Variants in SYNE2 observed in about 807,000 individuals in gnomAD.
SYNE2 encodes the protein nesprin-2.
Under a neutral mutation model 856.3 loss-of-function variants are expected in SYNE2, and 431 were observed. That is an observed-to-expected ratio of 0.50 (90% CI 0.47 to 0.55). The LOEUF is 0.55. Among genes scored for constraint, SYNE2 ranks in the 20% least tolerant of loss-of-function variants. The pLI is 0.00. For missense variants in SYNE2, 8,129 were observed against 8,023.2 expected (o/e 1.01, Z -0.50); for synonymous variants, 2,923 against 2,872.3 (o/e 1.02, Z -0.56).
chr14:64,090,394 A>G (rs1468472417), intron 59 of SYNE2, among the ~76,000 whole-genome samples: 2 of 152,182 alleles, frequency 1.3e-5, no homozygotes, highest in East Asian at 1.9e-4. Context: ...CCAGATTTCT[A>G]TGGATCAGAT....
At chr14:63,915,468 A>G in intron 2 of SYNE2, among the ~76,000 whole-genome samples, 1 of 152,230 alleles carries the variant, frequency 6.6e-6, no homozygotes, top group Non-Finnish European at 1.5e-5. Flanking sequence ...ACATAGGCCA[A>G]TGCTCTAGAA....
intron 1 of SYNE2, among the ~76,000 whole-genome samples, chr14:63,827,625 C>CAAAAAAAAAAAAAAACAAAAAAAA (rs1889486919): frequency 1.4e-4 from 4 of 28,410 alleles, no homozygotes; most frequent in Non-Finnish European, 2.5e-4. Context: ...AACTCTGTCT[C>CAAAAAAAAAAAAAAACAAAAAAAA]AAAAAAAAAA....
At chr14:63,816,404 G>A (rs1888996717) in intron 1 of SYNE2, among the ~76,000 whole-genome samples, 1 of 152,156 alleles carries the variant, frequency 6.6e-6, no homozygotes, top group Non-Finnish European at 1.5e-5. Context: ...CTTTTGGACT[G>A]TGAAATTTCT....
At chr14:63,859,160 T>TA (rs1352375270) in intron 1 of SYNE2, among the ~76,000 whole-genome samples, 2 of 152,194 alleles carry the variant, frequency 1.3e-5, no homozygotes, top group African/African-American at 4.8e-5. Flanking sequence ...TACCCTACAG[T>TA]GGATAGGTGA....
intron 2 of SYNE2, among the ~76,000 whole-genome samples, chr14:63,930,558 G>C (rs2153397671): frequency 6.9e-6 from 1 of 144,428 alleles, no homozygotes; most frequent in Middle Eastern, 3.6e-3. Flanking sequence ...TTTAAAGACA[G>C]AGTCCTGCTC....
At chr14:64,075,021 G>A (rs75352392) in intron 53 of SYNE2, among the ~76,000 whole-genome samples, 3 of 151,942 alleles carry the variant, frequency 2.0e-5, no homozygotes, top group Middle Eastern at 3.2e-3. Flanking sequence ...TAGATAAAAC[G>A]GGATGACACT....
chr14:63,844,766 C>T (rs1204745781), intron 1 of SYNE2, among the ~76,000 whole-genome samples: 7 of 151,938 alleles, frequency 4.6e-5, no homozygotes, highest in Admixed American at 3.9e-4. Context: ...TGGTCCAAGC[C>T]GGGTGTGGTG....
chr14:63,795,021 T>G (rs1198010440), intron 1 of SYNE2, among the ~76,000 whole-genome samples: 1 of 152,212 alleles, frequency 6.6e-6, no homozygotes, highest in Non-Finnish European at 1.5e-5. Context: ...TCCTCCTACC[T>G]CAGCCTCCTG....
intron 47 of SYNE2, among the ~76,000 whole-genome samples, chr14:64,050,616 T>C (rs1486739345): frequency 2.0e-5 from 3 of 152,184 alleles, no homozygotes; most frequent in Non-Finnish European, 4.4e-5. Flanking sequence ...TGAATATATA[T>C]GTATTGGAAT....
chr14:63,979,702 C>T (rs1222739284), intron 14 of SYNE2, among the ~76,000 whole-genome samples: 1 of 152,206 alleles, frequency 6.6e-6, no homozygotes, highest in South Asian at 2.1e-4. Flanking sequence ...TGCCTGAGGT[C>T]AGGAGTTCGA....
chr14:64,021,223 A>C (rs2096933637), intron 35 of SYNE2, 92 bp from the exon 36 acceptor site: 13 of 946,718 alleles, frequency 1.4e-5, no homozygotes, highest in Non-Finnish European at 2.2e-5. Flanking sequence ...CATTGAAATG[A>C]AGTAATCTCA....
At chr14:63,813,562 A>AG (rs1332911291) in intron 1 of SYNE2, among the ~76,000 whole-genome samples, 31 of 152,328 alleles carry the variant, frequency 2.0e-4, no homozygotes, top group African/African-American at 4.6e-4. Context: ...TGGGAGGCCC[A>AG]GGGGGGTGGA....
At chr14:63,864,961 T>C (rs1016927770) in intron 1 of SYNE2, among the ~76,000 whole-genome samples, 3 of 151,752 alleles carry the variant, frequency 2.0e-5, no homozygotes, top group African/African-American at 7.3e-5. Flanking sequence ...GGTTAAAAGC[T>C]TGGGTTCTGA....
intron 19 of SYNE2, among the ~76,000 whole-genome samples, chr14:63,990,204 A>G (rs1039047398): frequency 2.6e-5 from 4 of 152,192 alleles, no homozygotes; most frequent in African/African-American, 4.8e-5. Context: ...CTTACTGTAT[A>G]AAGAATGATC....
rs565515210 is a variant in SYNE2, at chr14:63,979,106, C to T, written c.1569+92C>T. The T allele has an allele frequency of 9.3e-4, 1,264 of 1,353,618 alleles. 2 individuals are homozygous for T. Among genetic ancestry groups the T allele is most frequent in the Non-Finnish European group, 1.2e-3 (1,116 of 952,554 alleles). 83.9% of individuals were successfully genotyped at this position (1,353,618 alleles called of 1,614,324 possible). On this transcript the variant is annotated intron_variant, in intron 14 of 115. Coordinates refer to ENST00000555002, the MANE Select transcript of SYNE2 (RefSeq NM_182914.3). ...TTGGCATGATTTCCCATTAACTCTT[C>T]GGGTTTTGAGATGGGTTTTCTTGGT...
intron 111 of SYNE2, among the ~76,000 whole-genome samples, chr14:64,220,991 A>G (rs1454252418): frequency 6.6e-6 from 1 of 152,136 alleles, no homozygotes; most frequent in African/African-American, 2.4e-5. Context: ...CTTAATAGCC[A>G]TGTGACTTTG....
intron 1 of SYNE2, among the ~76,000 whole-genome samples, chr14:63,783,262 A>G (rs1309733641): frequency 1.3e-5 from 2 of 152,138 alleles, no homozygotes; most frequent in Non-Finnish European, 2.9e-5. Context: ...CCTTGTGAAG[A>G]GGGTATCTTG....
At chr14:63,864,823 C>A (rs2140247055) in intron 1 of SYNE2, among the ~76,000 whole-genome samples, 1 of 152,200 alleles carries the variant, frequency 6.6e-6, no homozygotes, top group East Asian at 1.9e-4. Context: ...AGAGCAGAAC[C>A]AAAAGGACCT....
intron 110 of SYNE2, among the ~76,000 whole-genome samples, chr14:64,219,740 C>T (rs1421813355): frequency 1.3e-5 from 2 of 152,134 alleles, no homozygotes; most frequent in Admixed American, 6.5e-5. Flanking sequence ...AGTGTAAAAC[C>T]ACTCTTCCAA....
Sources: gnomAD v4.1 joint callset for allele counts (sites outside exome capture counted in the v4.1 genomes callset) on GRCh38, gnomAD v4.1.1 for gene constraint, MANE v1.5 for transcripts, NCBI Gene and HGNC (gene_info 2026-07-23, HGNC 2026-07-21) for gene names.